The following SCN8A variants were observed in gnomAD, a reference collection of about 807,000 sequenced individuals.
SCN8A encodes sodium voltage-gated channel alpha subunit 8.
A neutral mutation model predicts 184.1 loss-of-function variants in SCN8A; 30 were observed. The observed-to-expected ratio is 0.16, with a 90% CI of 0.12 to 0.22. The LOEUF is 0.22. Ranked by LOEUF, SCN8A falls within the 10% of genes least tolerant of loss-of-function variation. The pLI is 1.00. For synonymous variants in SCN8A, 852 were observed against 907.0 expected, an observed-to-expected ratio of 0.94 and a Z score of 1.09; for missense variants, 1,057 against 2,498.9, an observed-to-expected ratio of 0.42 and a Z score of 12.30.
At position 51,811,325 on chromosome 12, in the gene SCN8A, TC is replaced by T. The variant is rs933388396; in HGVS notation, c.*3900del. 6.6e-6 allele frequency: 1 copy of T among 151,974 alleles called. No homozygotes were observed. The highest frequency in any genetic ancestry group is 2.4e-5 in the African/African-American group (1 of 41,320). The allele number at this position is 151,974 out of a possible 1,614,324, so 9.4% of individuals were successfully genotyped here. ...CCCACTCACCCATTGCATGTGGCATTCCCCACTACTGGCCGGTGCTTAGAGG... is the reference window on the plus strand; with the variant it reads ...CCCACTCACCCATTGCATGTGGCATTCCCACTACTGGCCGGTGCTTAGAGG... On this transcript the variant is annotated 3_prime_UTR_variant, in exon 27 of 27. Transcript: ENST00000627620.
At chr12:51,686,280 A>G (rs1161780562) in intron 3 of SCN8A, 88 bp from the exon 4 acceptor site, 2 of 780,694 alleles carry the variant, frequency 2.6e-6, no homozygotes, top group East Asian at 2.6e-5. Context: ...TTATTGATTT[A>G]GATCTGATAC....
At chr12:51,623,544 A>G (rs1940009337) in intron 1 of SCN8A, among the ~76,000 whole-genome samples, 3 of 152,202 alleles carry the variant, frequency 2.0e-5, no homozygotes, top group Admixed American at 2.0e-4. Flanking sequence ...CGATTTACCA[A>G]TTAGAGTTCC....
At chr12:51,685,475 T>G (rs907596221) in intron 3 of SCN8A, among the ~76,000 whole-genome samples, 2 of 152,212 alleles carry the variant, frequency 1.3e-5, no homozygotes, top group Non-Finnish European at 2.9e-5. Flanking sequence ...TAAAATAGTT[T>G]AATTTTTCTC....
At chr12:51,770,126 A>G in intron 18 of SCN8A, 141 bp downstream of exon 18, 2 of 652,836 alleles carry the variant, frequency 3.1e-6, no homozygotes, top group Middle Eastern at 4.0e-4. Flanking sequence ...TTTTGAAGGA[A>G]ACTTAGATTG....
intron 1 of SCN8A, among the ~76,000 whole-genome samples, chr12:51,610,194 G>C (rs1592326493): frequency 7.0e-6 from 1 of 142,746 alleles, no homozygotes; most frequent in Non-Finnish European, 1.5e-5. Flanking sequence ...AAAAAAAAAG[G>C]AATAGCTCTC....
At position 51,811,074 on chromosome 12, in the gene SCN8A, CAAAAT is replaced by C. The variant is rs1938878797; in HGVS notation, c.*3650_*3654del. On this transcript the variant is annotated 3_prime_UTR_variant, in exon 27 of 27. Coordinates refer to ENST00000627620, the MANE Select transcript of SCN8A (RefSeq NM_001330260.2). ...ATCACTCCTCTAAGCCAAAAGGAAA[CAAAAT>C]AAAAATGACCCTTTTTACTGTACAA... The C allele has an allele frequency of 6.6e-6, 1 of 152,108 alleles. No homozygotes were observed. Among genetic ancestry groups the C allele is most frequent in the African/African-American group, 2.4e-5 (1 of 41,414 alleles). The allele number at this position is 152,108 out of a possible 1,614,324, so 9.4% of individuals were successfully genotyped here. A position where few individuals can be genotyped will look rare whatever the true frequency, so the allele number is the denominator to read the frequency against.
At chr12:51,602,934 CCTTTTTTT>C (rs1227321142) in intron 1 of SCN8A, among the ~76,000 whole-genome samples, 1 of 152,106 alleles carries the variant, frequency 6.6e-6, no homozygotes, top group Non-Finnish European at 1.5e-5. Flanking sequence ...ATATTATTTT[CCTTTTTTT>C]CTTCTTAATC....
At chr12:51,725,028 A>G (rs1351339711) in intron 12 of SCN8A, among the ~76,000 whole-genome samples, 1 of 152,160 alleles carries the variant, frequency 6.6e-6, no homozygotes, top group East Asian at 1.9e-4. Context: ...AACACTTAGG[A>G]GGTTCTCTGT....
In SCN8A at chr12:51,807,571, G is replaced by A. The variant is rs1938746999; in HGVS notation, c.*142G>A. On this transcript the variant is annotated 3_prime_UTR_variant, in exon 27 of 27. Coordinates refer to ENST00000627620, the MANE Select transcript of SCN8A (RefSeq NM_001330260.2). The surrounding 1 kb of genome is among the most constrained non-coding windows in gnomAD (Gnocchi z 4.5). ...ATACCAAACGTCGTCTGCTTACCAC[G>A]TAACACAGCTGCATCTTGAGCAGTG... 4.5e-6 allele frequency: 4 copies of A among 881,746 alleles called. No homozygotes were observed. Among genetic ancestry groups the A allele is most frequent in the Admixed American group, 2.2e-5 (1 of 45,192 alleles). The allele number at this position is 881,746 out of a possible 1,614,324, so 54.6% of individuals were successfully genotyped here.
chr12:51,602,186 C>T (rs1939481967), intron 1 of SCN8A, among the ~76,000 whole-genome samples: 1 of 150,600 alleles, frequency 6.6e-6, no homozygotes, highest in South Asian at 2.1e-4. Context: ...AGTATTGGTG[C>T]TCAACACAGG....
At chr12:51,745,692 A>C (rs972412999) in intron 12 of SCN8A, among the ~76,000 whole-genome samples, 13 of 152,198 alleles carry the variant, frequency 8.5e-5, no homozygotes, top group African/African-American at 3.1e-4. Context: ...AGATTCACAC[A>C]GACTTAAATG....
At chr12:51,725,231 G>A (rs1942138395) in intron 12 of SCN8A, among the ~76,000 whole-genome samples, 1 of 152,180 alleles carries the variant, frequency 6.6e-6, no homozygotes, top group South Asian at 2.1e-4. Context: ...TGTTAACGGT[G>A]TGGGAAAATG....
chr12:51,810,636 G>A lies in SCN8A; in HGVS notation c.*3207G>A, dbSNP rs1055317422. 1 of 153,948 alleles carries A rather than the reference G, an allele frequency of 6.5e-6. No individual in the cohort carries two copies. The highest frequency in any genetic ancestry group is 2.4e-5 in the African/African-American group (1 of 41,474). The allele number at this position is 153,948 out of a possible 1,614,324, so 9.5% of individuals were successfully genotyped here. On this transcript the variant is annotated 3_prime_UTR_variant, in exon 27 of 27. Transcript: ENST00000627620. ...TTAAAAAAAGGACAAAAAGCAAAAA[G>A]ATGTGTGATGCTGTTAATAATTTAA...
intron 1 of SCN8A, among the ~76,000 whole-genome samples, chr12:51,636,317 A>C (rs901206750): frequency 6.6e-6 from 1 of 152,132 alleles, no homozygotes; most frequent in Non-Finnish European, 1.5e-5. Flanking sequence ...TTTTAATAAT[A>C]CAATCTTTAT....
chr12:51,601,592 T>C (rs1295439756), intron 1 of SCN8A, among the ~76,000 whole-genome samples: 2 of 152,166 alleles, frequency 1.3e-5, no homozygotes, highest in African/African-American at 2.4e-5. Flanking sequence ...CTTTGTGTTA[T>C]GAGTGGATAT....
intron 13 of SCN8A, 126 bp downstream of exon 13, chr12:51,746,161 A>G: frequency 1.2e-6 from 1 of 844,320 alleles, no homozygotes. Flanking sequence ...AATGGAACGT[A>G]TTCCTATATA....
intron 1 of SCN8A, among the ~76,000 whole-genome samples, chr12:51,652,540 C>A (rs1196556888): frequency 6.6e-6 from 1 of 152,140 alleles, no homozygotes; most frequent in African/African-American, 2.4e-5. Flanking sequence ...CTTTGCGTTC[C>A]TGATGTGGTA....
chr12:51,650,145 C>A (rs765020391), intron 1 of SCN8A, among the ~76,000 whole-genome samples: 14 of 152,176 alleles, frequency 9.2e-5, no homozygotes, highest in Non-Finnish European at 1.5e-4. Flanking sequence ...ACAAGTTCCT[C>A]ATCTCTGTCT....
chr12:51,758,263 C>A (rs1246576839), intron 14 of SCN8A, among the ~76,000 whole-genome samples: 1 of 152,162 alleles, frequency 6.6e-6, no homozygotes, highest in Non-Finnish European at 1.5e-5. Flanking sequence ...TCAAGACTAT[C>A]CTGGACAACA....
Sources: gnomAD v4.1 joint callset for allele counts (sites outside exome capture counted in the v4.1 genomes callset) on GRCh38, gnomAD v4.1.1 for gene constraint, Gnocchi (gnomAD v3.1) non-coding constraint, MANE v1.5 for transcripts, NCBI Gene and HGNC (gene_info 2026-07-23, HGNC 2026-07-21) for gene names.